HMGA2: variants seen among roughly 807,000 people sequenced by gnomAD.
The protein encoded by HMGA2 is high mobility group protein HMGI-C.
HMGA2 carries 8 observed loss-of-function variants against 19.1 expected under a neutral mutation model. The observed-to-expected ratio is 0.42, with a 90% CI of 0.25 to 0.76. The LOEUF is 0.76. Among genes scored for constraint, HMGA2 ranks in the 30% least tolerant of loss-of-function variants. The probability of loss-of-function intolerance (pLI) is 0.28; values close to 1 mark genes in which losing one functional copy is unlikely to be tolerated. For missense variants in HMGA2, 109 were observed against 136.3 expected (o/e 0.80, Z 1.00); for synonymous variants, 60 against 48.8 (o/e 1.23, Z -0.96).
intron 4 of HMGA2, among the ~76,000 whole-genome samples, chr12:65,962,231 T>C (rs1448965519): frequency 6.6e-6 from 1 of 152,178 alleles, no homozygotes; most frequent in Non-Finnish European, 1.5e-5. Context: ...TCGGAAATGT[T>C]TATTGTCTCC....
At chr12:65,896,793 T>C (rs1291426857) in intron 3 of HMGA2, among the ~76,000 whole-genome samples, 2 of 152,226 alleles carry the variant, frequency 1.3e-5, no homozygotes, top group African/African-American at 2.4e-5. Flanking sequence ...GCATGAAGAA[T>C]CTGATTTTGA....
intron 3 of HMGA2, among the ~76,000 whole-genome samples, chr12:65,897,278 TTA>T (rs1299089086): frequency 5.3e-5 from 8 of 152,214 alleles, no homozygotes; most frequent in African/African-American, 1.9e-4. Context: ...ACTTAAATTA[TTA>T]TTGACCATAG....
At chr12:65,923,129 G>C (rs1592447858) in intron 3 of HMGA2, among the ~76,000 whole-genome samples, 1 of 152,116 alleles carries the variant, frequency 6.6e-6, no homozygotes. Flanking sequence ...AGGGGAAGCT[G>C]CTCATCCCCA....
chr12:65,861,270 G>T (rs542052888), intron 3 of HMGA2, among the ~76,000 whole-genome samples: 3 of 152,152 alleles, frequency 2.0e-5, no homozygotes, highest in Non-Finnish European at 4.4e-5. Context: ...GGAGGCTGAG[G>T]CAGGAGAATC....
intron 4 of HMGA2, chr12:65,956,446 C>A (rs946736353): frequency 3.9e-5 from 6 of 152,106 alleles, no homozygotes. Context: ...AGCTCAAGGA[C>A]ATAGAAGCAC....
chr12:65,828,891 C>G (rs1181134660), intron 2 of HMGA2: 1 of 152,018 alleles, frequency 6.6e-6, no homozygotes, highest in Admixed American at 6.6e-5. Context: ...TTTAAGCTAG[C>G]AAAGAGGAAC....
At chr12:65,954,801 G>A (rs1259583216) in intron 4 of HMGA2, 1 of 152,128 alleles carries the variant, frequency 6.6e-6, no homozygotes, top group South Asian at 2.1e-4. Flanking sequence ...TAATATGTAC[G>A]TTAACTTTTT....
intron 3 of HMGA2, among the ~76,000 whole-genome samples, chr12:65,871,044 T>A (rs1872685315): frequency 6.6e-6 from 1 of 152,150 alleles, no homozygotes; most frequent in South Asian, 2.1e-4. Context: ...TCCGACATGA[T>A]TTAGAAAAAA....
At chr12:65,888,804 C>A (rs1404278242) in intron 3 of HMGA2, among the ~76,000 whole-genome samples, 1 of 150,584 alleles carries the variant, frequency 6.6e-6, no homozygotes, top group Non-Finnish European at 1.5e-5. Context: ...ACCTCGTGAT[C>A]CGCCCGCCTC....
At chr12:65,936,028 T>G (rs1875881205) in intron 3 of HMGA2, among the ~76,000 whole-genome samples, 1 of 152,230 alleles carries the variant, frequency 6.6e-6, no homozygotes, top group South Asian at 2.1e-4. Context: ...CATACATGTC[T>G]AATACATATA....
intron 3 of HMGA2, among the ~76,000 whole-genome samples, chr12:65,927,719 A>G (rs1304340652): frequency 2.6e-5 from 4 of 151,968 alleles, no homozygotes; most frequent in African/African-American, 9.7e-5. Context: ...AAATATCTTT[A>G]CTGGATTAAT....
chr12:65,887,330 G>A (rs1873699788), intron 3 of HMGA2, among the ~76,000 whole-genome samples: 1 of 152,206 alleles, frequency 6.6e-6, no homozygotes, highest in Non-Finnish European at 1.5e-5. Flanking sequence ...CTTCATCCCT[G>A]TAATCCCAGC....
chr12:65,846,758 C>G (rs769929057), intron 3 of HMGA2, among the ~76,000 whole-genome samples: 1 of 152,112 alleles, frequency 6.6e-6, no homozygotes. Context: ...TTTGCCAAAG[C>G]CTTCTGACAC....
intron 3 of HMGA2, among the ~76,000 whole-genome samples, chr12:65,938,835 T>C (rs1287933221): frequency 2.0e-5 from 3 of 152,024 alleles, no homozygotes. Flanking sequence ...GGCTGATTTT[T>C]GTACTTTTTT....
At chr12:65,877,686 CA>C (rs1453578950) in intron 3 of HMGA2, among the ~76,000 whole-genome samples, 14 of 151,608 alleles carry the variant, frequency 9.2e-5, no homozygotes, top group Admixed American at 9.2e-4. Flanking sequence ...TTGAAGAGAG[CA>C]AAAAAGTTTC....
intron 3 of HMGA2, among the ~76,000 whole-genome samples, chr12:65,875,731 G>T (rs762771330): frequency 2.7e-5 from 4 of 150,316 alleles, no homozygotes; most frequent in Non-Finnish European, 5.9e-5. Context: ...GATTATAGGC[G>T]TAAGCCACTG....
At chr12:65,959,470 G>A (rs1020182515) in intron 4 of HMGA2, among the ~76,000 whole-genome samples, 8 of 152,112 alleles carry the variant, frequency 5.3e-5, no homozygotes, top group Non-Finnish European at 1.2e-4. Flanking sequence ...TCAGTTTTCT[G>A]CCAAGAAACC....
At chr12:65,895,061 G>A (rs917667239) in intron 3 of HMGA2, among the ~76,000 whole-genome samples, 18 of 152,102 alleles carry the variant, frequency 1.2e-4, no homozygotes. Context: ...AAGCAATAAA[G>A]AAACCACCTT....
At chr12:65,944,760 A>G (rs1876204118) in intron 3 of HMGA2, among the ~76,000 whole-genome samples, 1 of 152,152 alleles carries the variant, frequency 6.6e-6, no homozygotes, top group African/African-American at 2.4e-5. Context: ...AGCTAGCTCA[A>G]CCTGATAGTA....
Sources: gnomAD v4.1 joint callset for allele counts (sites outside exome capture counted in the v4.1 genomes callset) on GRCh38, gnomAD v4.1.1 for gene constraint, MANE v1.5 for transcripts, NCBI Gene and HGNC (gene_info 2026-07-23, HGNC 2026-07-21) for gene names.